The following EBF2 variants were observed in gnomAD, a reference collection of about 807,000 sequenced individuals.
EBF2 encodes the protein transcription factor COE2.
In EBF2, 21 loss-of-function variants were observed where a neutral mutation model predicts 72.8. The observed-to-expected ratio is 0.29, with a 90% CI of 0.20 to 0.42. EBF2 has a LOEUF of 0.42. Ranked by LOEUF, EBF2 falls within the 10% of genes least tolerant of loss-of-function variation. The pLI, the probability that EBF2 is intolerant of heterozygous loss-of-function variation, is 1.00. For missense variants in EBF2, 637 were observed against 731.2 expected, an observed-to-expected ratio of 0.87 and a Z score of 1.49; for synonymous variants, 299 against 274.2, an observed-to-expected ratio of 1.09 and a Z score of -0.89.
At chr8:25,950,340 T>G (rs1286321599) in intron 6 of EBF2, among the ~76,000 whole-genome samples, 1 of 152,210 alleles carries the variant, frequency 6.6e-6, no homozygotes, top group Non-Finnish European at 1.5e-5. Flanking sequence ...TTAAAAGTAA[T>G]GGAAATGTAC....
chr8:26,040,517 C>T (rs1374386714), intron 4 of EBF2, 99 bp downstream of exon 4: 1 of 1,164,448 alleles, frequency 8.6e-7, no homozygotes, highest in African/African-American at 1.6e-5. Flanking sequence ...GAGTCTGACC[C>T]AGGAAATCGT....
At chr8:25,996,597 TAAG>T (rs1804636647) in intron 6 of EBF2, among the ~76,000 whole-genome samples, 1 of 150,546 alleles carries the variant, frequency 6.6e-6, no homozygotes, top group African/African-American at 2.4e-5. Context: ...TTTAAAAAAA[TAAG>T]AAAAGAAAAA....
At chr8:26,000,852 G>A (rs1804711725) in intron 6 of EBF2, among the ~76,000 whole-genome samples, 1 of 152,194 alleles carries the variant, frequency 6.6e-6, no homozygotes, top group Non-Finnish European at 1.5e-5. Context: ...AAAAATGCCA[G>A]CCGAAGAGCT....
intron 6 of EBF2, among the ~76,000 whole-genome samples, chr8:25,933,786 A>T (rs891740246): frequency 1.3e-5 from 2 of 152,142 alleles, no homozygotes; most frequent in Non-Finnish European, 2.9e-5. Flanking sequence ...AGTCTAGTAT[A>T]AAAAAATACG....
chr8:25,967,853 C>A (rs1211957508), intron 6 of EBF2, among the ~76,000 whole-genome samples: 8 of 152,122 alleles, frequency 5.3e-5, no homozygotes, highest in Admixed American at 4.6e-4. Context: ...ACACGTAAAA[C>A]AAGGGTAAGA....
intron 11 of EBF2, 81 bp downstream of exon 11, chr8:25,862,628 G>A: frequency 9.3e-7 from 1 of 1,075,094 alleles, no homozygotes; most frequent in South Asian, 1.9e-5. Flanking sequence ...AATTTTAATG[G>A]GATGTAAATG....
intron 6 of EBF2, among the ~76,000 whole-genome samples, chr8:25,980,391 A>C (rs1469004092): frequency 1.3e-5 from 2 of 152,196 alleles, no homozygotes; most frequent in Admixed American, 1.3e-4. Flanking sequence ...CATTCAGAGA[A>C]GTCCAGACAT....
chr8:25,943,686 T>C (rs559631338), intron 6 of EBF2, among the ~76,000 whole-genome samples: 16 of 152,264 alleles, frequency 1.1e-4, no homozygotes, highest in African/African-American at 3.6e-4. Context: ...GTAAAACTCC[T>C]CGTCCCTTAA....
intron 6 of EBF2, among the ~76,000 whole-genome samples, chr8:25,921,777 C>T (rs754887823): frequency 1.3e-5 from 2 of 152,164 alleles, no homozygotes; most frequent in Non-Finnish European, 2.9e-5. Flanking sequence ...AGTAGATGTC[C>T]AGAATCTCTT....
chr8:25,981,984 G>T (rs566395131), intron 6 of EBF2, among the ~76,000 whole-genome samples: 1 of 152,060 alleles, frequency 6.6e-6, no homozygotes, highest in African/African-American at 2.4e-5. Context: ...AAGGCTATCT[G>T]GTAGAGTCTA....
rs560428581 is a variant in EBF2 at position 25,915,040 on chromosome 8, A to G, written c.552-6485T>C. On this transcript the variant is annotated intron_variant, in intron 6 of 15. Coordinates refer to ENST00000520164, the MANE Select transcript of EBF2 (RefSeq NM_022659.4). ...AGACTATGATGAAACAGTAATTATA[A>G]TTAATAATAGCCTATATTCATTGAG... Among the ~76,000 whole-genome samples, 3 of 152,350 alleles carry G rather than the reference A, an allele frequency of 2.0e-5. No individual in the cohort carries two copies. In the South Asian group the frequency reaches 6.2e-4, roughly 32 times the overall value.
intron 6 of EBF2, among the ~76,000 whole-genome samples, chr8:26,007,140 G>T (rs1804895709): frequency 6.6e-6 from 1 of 152,150 alleles, no homozygotes; most frequent in Admixed American, 6.5e-5. Flanking sequence ...GCTCTTTGGA[G>T]CCATGTTGCT....
chr8:26,040,378 G>T (rs1805578007), intron 4 of EBF2, among the ~76,000 whole-genome samples: 1 of 151,662 alleles, frequency 6.6e-6, no homozygotes, highest in African/African-American at 2.4e-5. Context: ...CTTTTTGTTC[G>T]CCTCTTACTG....
chr8:25,861,806 T>G (rs1400961802), intron 11 of EBF2, among the ~76,000 whole-genome samples: 1 of 152,244 alleles, frequency 6.6e-6, no homozygotes, highest in Non-Finnish European at 1.5e-5. Context: ...GAAATTATCT[T>G]GGCAACGTCT....
chr8:25,969,865 T>G (rs193175959), intron 6 of EBF2, among the ~76,000 whole-genome samples: 154 of 152,314 alleles, frequency 1.0e-3, no homozygotes, highest in Non-Finnish European at 1.8e-3. Context: ...CCACCGTGCC[T>G]GACAGCAATA....
At chr8:26,021,968 C>T (rs747760544) in intron 6 of EBF2, among the ~76,000 whole-genome samples, 3 of 152,126 alleles carry the variant, frequency 2.0e-5, no homozygotes, top group Non-Finnish European at 4.4e-5. Flanking sequence ...ATACTTTTTG[C>T]ATGTAAGAAA....
At chr8:25,858,969 C>A (rs181086595) in intron 13 of EBF2, among the ~76,000 whole-genome samples, 1 of 152,140 alleles carries the variant, frequency 6.6e-6, no homozygotes, top group Non-Finnish European at 1.5e-5. Context: ...CATCTTCAGC[C>A]TTTTATACCT....
chr8:25,919,775 A>G (rs774353474), intron 6 of EBF2, among the ~76,000 whole-genome samples: 1 of 152,224 alleles, frequency 6.6e-6, no homozygotes, highest in Non-Finnish European at 1.5e-5. Flanking sequence ...AAAGATGTTC[A>G]TGTGAGCTGC....
At position 25,844,756 on chromosome 8, in the gene EBF2, T is replaced by C. The variant is rs1801798325; in HGVS notation, c.1697-116A>G. Reference sequence around the variant, plus strand: ...TAGAGTCTGATGCTATTCAAGGAGATGGTGCCCTCAGCTGATATGAGGACC... The same window carrying C: ...TAGAGTCTGATGCTATTCAAGGAGACGGTGCCCTCAGCTGATATGAGGACC... On this transcript the variant is annotated intron_variant, in intron 15 of 15. Transcript: ENST00000520164. 6 of 1,344,166 alleles carry C rather than the reference T, an allele frequency of 4.5e-6. No individual in the cohort carries two copies. The Admixed American group carries it at 1.0e-4, about 23-fold the overall frequency. The allele number at this position is 1,344,166 out of a possible 1,614,324, so 83.3% of individuals were successfully genotyped here. A position where few individuals can be genotyped will look rare whatever the true frequency, so the allele number is the denominator to read the frequency against.
Sources: gnomAD v4.1 joint callset for allele counts (sites outside exome capture counted in the v4.1 genomes callset) on GRCh38, gnomAD v4.1.1 for gene constraint, MANE v1.5 for transcripts, NCBI Gene and HGNC (gene_info 2026-07-23, HGNC 2026-07-21) for gene names.